The following CAMKMT variants were observed in gnomAD, a reference collection of about 807,000 sequenced individuals.
CAMKMT encodes the protein calmodulin-lysine N-methyltransferase.
A neutral mutation model predicts 48.0 loss-of-function variants in CAMKMT; 53 were observed. The ratio of observed to expected loss-of-function variants is 1.10; its 90% CI spans 0.89 to 1.39. The LOEUF is 1.39. Among genes scored for constraint, CAMKMT ranks in the 40% most tolerant of loss-of-function variants. The pLI, the probability that CAMKMT is intolerant of heterozygous loss-of-function variation, is 0.00. For synonymous variants in CAMKMT, 165 were observed against 152.3 expected (o/e 1.08, Z -0.61); for missense variants, 428 against 402.7 (o/e 1.06, Z -0.54).
intron 3 of CAMKMT, among the ~76,000 whole-genome samples, chr2:44,439,516 C>G (rs375665937): frequency 6.6e-6 from 1 of 152,190 alleles, no homozygotes; most frequent in African/African-American, 2.4e-5. Context: ...CTTCCCCTCA[C>G]ATTCTTTCTG....
chr2:44,528,100 G>C (rs866137785), intron 3 of CAMKMT, among the ~76,000 whole-genome samples: 6 of 152,092 alleles, frequency 3.9e-5, no homozygotes, highest in South Asian at 4.1e-4. Context: ...AACCAGTTGG[G>C]AAGGATGTAG....
At chr2:44,401,830 A>C (rs1682399392) in intron 3 of CAMKMT, among the ~76,000 whole-genome samples, 1 of 152,130 alleles carries the variant, frequency 6.6e-6, no homozygotes, top group South Asian at 2.1e-4. Flanking sequence ...TGACCTCTAC[A>C]CCAGCAACAA....
At position 44,434,253 on chromosome 2, in the gene CAMKMT, G is replaced by A. The variant is rs925361398; in HGVS notation, c.376+43948G>A. Among the ~76,000 whole-genome samples the A allele has an allele frequency of 7.9e-5, 12 of 151,778 alleles. No individual in the cohort carries two copies. In the East Asian group the frequency reaches 1.2e-3, roughly 15 times the overall value. ...TTTTTTTTTTTTGGTGTTGGTTGAG[G>A]TTTCCATTGATAGAATATTTTAGAC... On this transcript the variant is annotated intron_variant, in intron 3 of 10. Coordinates refer to ENST00000378494, the MANE Select transcript of CAMKMT (RefSeq NM_024766.5).
chr2:44,771,908 C>G, intron 10 of CAMKMT, 128 bp from the exon 11 acceptor site: 1 of 534,726 alleles, frequency 1.9e-6, no homozygotes, highest in East Asian at 3.7e-5. Context: ...AGTTGCTTTT[C>G]TGTGATTTAT....
intron 3 of CAMKMT, among the ~76,000 whole-genome samples, chr2:44,580,970 T>G (rs1362023695): frequency 6.6e-6 from 1 of 152,190 alleles, no homozygotes; most frequent in East Asian, 1.9e-4. Flanking sequence ...CTGCTGGTTG[T>G]ACCTTAGATG....
At chr2:44,442,901 G>A (rs185374768) in intron 3 of CAMKMT, among the ~76,000 whole-genome samples, 1 of 152,202 alleles carries the variant, frequency 6.6e-6, no homozygotes, top group South Asian at 2.1e-4. Context: ...ATGAGTGACT[G>A]CAAGAATAAA....
At chr2:44,516,169 A>T (rs1168171935) in intron 3 of CAMKMT, among the ~76,000 whole-genome samples, 1 of 152,206 alleles carries the variant, frequency 6.6e-6, no homozygotes, top group African/African-American at 2.4e-5. Context: ...GTTCCAAACC[A>T]TGCCCGTTTA....
intron 3 of CAMKMT, among the ~76,000 whole-genome samples, chr2:44,478,702 CT>C (rs11323347): frequency 0.82 from 86,763 of 106,272 alleles, 34,979 homozygotes; most frequent in East Asian, 0.95. Flanking sequence ...TCTTTTCTTC[CT>C]TTTTTTTTTT....
Position 44,691,846 on chromosome 2 carries a change from A to G in CAMKMT, c.377-12437A>G, listed in dbSNP as rs148862977. Among the ~76,000 whole-genome samples, 1,167 of 152,210 alleles carry G rather than the reference A, an allele frequency of 7.7e-3. 18 individuals carry two copies. Among genetic ancestry groups the G allele is most frequent in the African/African-American group, 0.027 (1,115 of 41,528 alleles). The stretch of plus-strand genomic sequence containing the variant: ...GGGCAGCATCAACGTTCCATAAATT[A>G]TAGAGTGTCACAGGGCAGGCCTCCA... On this transcript the variant is annotated intron_variant, in intron 3 of 10. Transcript: ENST00000378494.
intron 3 of CAMKMT, among the ~76,000 whole-genome samples, chr2:44,528,390 C>G (rs527945931): frequency 6.6e-6 from 1 of 152,072 alleles, no homozygotes; most frequent in Non-Finnish European, 1.5e-5. Context: ...TCCCCAGTTA[C>G]CAACACTTGG....
intron 3 of CAMKMT, among the ~76,000 whole-genome samples, chr2:44,401,665 T>A (rs1660253179): frequency 6.6e-6 from 1 of 152,250 alleles, no homozygotes; most frequent in Non-Finnish European, 1.5e-5. Context: ...ATAACTACAT[T>A]AAATATGAAT....
chr2:44,487,249 A>T (rs1185617768), intron 3 of CAMKMT, among the ~76,000 whole-genome samples: 5 of 152,148 alleles, frequency 3.3e-5, no homozygotes, highest in Non-Finnish European at 7.4e-5. Flanking sequence ...AAAAATGTGA[A>T]ATCAGCTTTT....
chr2:44,411,920 T>C (rs905649903), intron 3 of CAMKMT, among the ~76,000 whole-genome samples: 2 of 151,712 alleles, frequency 1.3e-5, no homozygotes, highest in African/African-American at 4.8e-5. Context: ...TTAACATTAT[T>C]AAGAAACTTT....
chr2:44,558,315 C>T (rs1016704015), intron 3 of CAMKMT, among the ~76,000 whole-genome samples: 9 of 152,102 alleles, frequency 5.9e-5, no homozygotes, highest in Non-Finnish European at 8.8e-5. Flanking sequence ...TGTAAGATTA[C>T]GAGAGTGAGC....
At chr2:44,447,587 C>T (rs1278018940) in intron 3 of CAMKMT, among the ~76,000 whole-genome samples, 1 of 152,170 alleles carries the variant, frequency 6.6e-6, no homozygotes, top group East Asian at 1.9e-4. Context: ...TTCATGTTGT[C>T]TGCAATGTGC....
intron 3 of CAMKMT, among the ~76,000 whole-genome samples, chr2:44,574,286 G>A (rs956468673): frequency 2.6e-5 from 4 of 152,194 alleles, no homozygotes; most frequent in Non-Finnish European, 5.9e-5. Flanking sequence ...TCACAGGATC[G>A]AATGGGTGAG....
intron 3 of CAMKMT, among the ~76,000 whole-genome samples, chr2:44,485,773 A>G (rs552530786): frequency 5.3e-5 from 8 of 152,286 alleles, no homozygotes; most frequent in African/African-American, 4.8e-5. Flanking sequence ...AAACATCCTT[A>G]TGCAACAGAT....
chr2:44,428,013 TG>T (rs1684394183), intron 3 of CAMKMT, among the ~76,000 whole-genome samples: 1 of 152,202 alleles, frequency 6.6e-6, no homozygotes, highest in Non-Finnish European at 1.5e-5. Flanking sequence ...CCACAACCTC[TG>T]GAGCCCCTAA....
At chr2:44,720,144 C>A (rs1053889482) in intron 7 of CAMKMT, among the ~76,000 whole-genome samples, 1 of 152,082 alleles carries the variant, frequency 6.6e-6, no homozygotes, top group Non-Finnish European at 1.5e-5. Flanking sequence ...GAACGTTAGC[C>A]GGTTCAGCTA....
Sources: allele counts gnomAD v4.1 joint callset (sites outside exome capture counted in the v4.1 genomes callset), GRCh38; gene constraint gnomAD v4.1.1; transcripts MANE v1.5; gene names NCBI Gene and HGNC (gene_info 2026-07-23, HGNC 2026-07-21).